SCARA3: variants seen among roughly 807,000 people sequenced by gnomAD.
SCARA3 encodes scavenger receptor class A member 3.
Under a neutral mutation model 47.0 loss-of-function variants are expected in SCARA3, and 39 were observed. The ratio of observed to expected loss-of-function variants is 0.83; its 90% CI spans 0.64 to 1.08. The LOEUF is 1.08. Ranked by LOEUF, SCARA3 falls within the 50% of genes least tolerant of loss-of-function variation. The pLI, the probability that SCARA3 is intolerant of heterozygous loss-of-function variation, is 0.00. For missense variants in SCARA3, 724 were observed against 792.3 expected, an observed-to-expected ratio of 0.91 and a Z score of 1.04; for synonymous variants, 356 against 334.1, an observed-to-expected ratio of 1.07 and a Z score of -0.71.
chr8:27,633,599 T>A (rs1801179810), upstream of SCARA3, among the ~76,000 whole-genome samples: 1 of 147,740 alleles, frequency 6.8e-6, no homozygotes, highest in South Asian at 2.2e-4. Flanking sequence ...GCTCTCCCGG[T>A]GAGCCCCCCC....
the SCARA3 span, among the ~76,000 whole-genome samples, chr8:27,689,522 G>A: frequency 6.6e-6 from 1 of 152,196 alleles, no homozygotes; most frequent in Non-Finnish European, 1.5e-5. Context: ...AGCACAGAGA[G>A]CAGATCTGGG....
chr8:27,719,512 G>A, the SCARA3 span, among the ~76,000 whole-genome samples: 1 of 148,264 alleles, frequency 6.7e-6, no homozygotes, highest in African/African-American at 2.5e-5. Flanking sequence ...ACCTACACTT[G>A]TACTCCTGAA....
intron 1 of SCARA3, among the ~76,000 whole-genome samples, chr8:27,634,425 C>A (rs35068026): frequency 1.3e-5 from 2 of 152,194 alleles, no homozygotes; most frequent in African/African-American, 4.8e-5. Context: ...TCACACACCC[C>A]CCCTTGCAGT....
At chr8:27,662,257 A>G (rs1801927085) in intron 5 of SCARA3, among the ~76,000 whole-genome samples, 2 of 152,204 alleles carry the variant, frequency 1.3e-5, no homozygotes, top group African/African-American at 4.8e-5. Context: ...AAACACCACT[A>G]TGTATTGAAT....
the SCARA3 span, among the ~76,000 whole-genome samples, chr8:27,715,491 G>A: frequency 6.8e-6 from 1 of 148,028 alleles, no homozygotes. The surrounding 1 kb of genome is among the most constrained non-coding windows in gnomAD (Gnocchi z 4.2). Flanking sequence ...CCAGCACTCC[G>A]CAGCAGCTAC....
At chr8:27,699,586 A>C in the SCARA3 span, among the ~76,000 whole-genome samples, 1 of 152,172 alleles carries the variant, frequency 6.6e-6, no homozygotes, top group African/African-American at 2.4e-5. Context: ...GAAAATCCAC[A>C]GAATTTTGAA....
chr8:27,720,873 C>T, the SCARA3 span, among the ~76,000 whole-genome samples: 74 of 152,214 alleles, frequency 4.9e-4, no homozygotes, highest in African/African-American at 1.7e-3. Flanking sequence ...TCCACTCACC[C>T]ATCCATTCAC....
the SCARA3 span, among the ~76,000 whole-genome samples, chr8:27,731,375 G>C: frequency 6.6e-6 from 1 of 151,946 alleles, no homozygotes; most frequent in Non-Finnish European, 1.5e-5. Context: ...TGGGATTATA[G>C]GATTGAGCCA....
the SCARA3 span, among the ~76,000 whole-genome samples, chr8:27,730,284 GTCT>G: frequency 6.6e-6 from 1 of 152,158 alleles, no homozygotes; most frequent in Non-Finnish European, 1.5e-5. Flanking sequence ...CTTCTTGTTG[GTCT>G]TCATTTCTCA....
At chr8:27,713,077 A>G in the SCARA3 span, among the ~76,000 whole-genome samples, 4 of 152,252 alleles carry the variant, frequency 2.6e-5, no homozygotes, top group African/African-American at 9.6e-5. Flanking sequence ...ACTAACTTCT[A>G]GTAATCATAC....
intron 5 of SCARA3, among the ~76,000 whole-genome samples, chr8:27,666,626 G>T (rs892768600): frequency 6.6e-6 from 1 of 152,178 alleles, no homozygotes; most frequent in Non-Finnish European, 1.5e-5. Flanking sequence ...TGATGTCCAC[G>T]CCAATGTGCC....
At chr8:27,707,908 C>A in the SCARA3 span, among the ~76,000 whole-genome samples, 1 of 151,824 alleles carries the variant, frequency 6.6e-6, no homozygotes, top group East Asian at 1.9e-4. Context: ...CTTCAATCTG[C>A]ATTTCTGTAC....
At chr8:27,635,829 G>A (rs892543288) in intron 1 of SCARA3, among the ~76,000 whole-genome samples, 1 of 151,778 alleles carries the variant, frequency 6.6e-6, no homozygotes, top group African/African-American at 2.4e-5. Flanking sequence ...TTTTACACTG[G>A]GCCCCACAAA....
intron 5 of SCARA3, among the ~76,000 whole-genome samples, chr8:27,670,101 G>A (rs143609242): frequency 8.5e-5 from 13 of 152,246 alleles, no homozygotes; most frequent in East Asian, 7.7e-4. Context: ...GGCAACTCCC[G>A]CAGGCCCTCA....
chr8:27,654,141 G>A (rs150336574), intron 3 of SCARA3, among the ~76,000 whole-genome samples: 156 of 152,260 alleles, frequency 1.0e-3, no homozygotes, highest in African/African-American at 3.5e-3. Context: ...TGATGAATGG[G>A]TGAAAGAGAT....
chr8:27,665,614 C>A (rs984557107), intron 5 of SCARA3, among the ~76,000 whole-genome samples: 15 of 152,198 alleles, frequency 9.9e-5, no homozygotes, highest in African/African-American at 3.6e-4. Context: ...AAGCAATCCA[C>A]CCACCTTCGG....
the SCARA3 span, among the ~76,000 whole-genome samples, chr8:27,725,810 G>A: frequency 4.6e-5 from 7 of 152,164 alleles, no homozygotes; most frequent in African/African-American, 1.4e-4. Flanking sequence ...TCCTCTGTCC[G>A]CAGATGCCTG....
chr8:27,702,458 A>C, the SCARA3 span: 2 of 152,238 alleles, frequency 1.3e-5, no homozygotes, highest in Non-Finnish European at 2.9e-5. Context: ...TTATGTCAAC[A>C]CAAACAGCCT....
chr8:27,658,516 T>A lies in SCARA3; in HGVS notation c.346T>A (p.Cys116Ser). ...TAAAGATCCGAAAGCCCTGAACAAC[T>A]GCTCTTTCTGCCATGAAGCTGGGCA... The part of the protein sequence containing the change: ...QGLDPKALNN[C>S]SFCHEAGQLG... The change falls in exon 5 of 6, where the codon TGC (cysteine) becomes AGC (serine). Residue 116 changes from cysteine to serine, a missense_variant. Physicochemically the swap from Cys to Ser is moderately radical, Grantham distance 112 (BLOSUM62 -1). Transcript: ENST00000301904. 2 of 1,610,566 alleles carry A rather than the reference T, an allele frequency of 1.2e-6. No individual in the cohort carries two copies. Among genetic ancestry groups the A allele is most frequent in the Non-Finnish European group, 1.7e-6 (2 of 1,178,506 alleles).
Sources: gnomAD v4.1 joint callset for allele counts (sites outside exome capture counted in the v4.1 genomes callset) on GRCh38, gnomAD v4.1.1 for gene constraint, Gnocchi (gnomAD v3.1) non-coding constraint, MANE v1.5 for transcripts, NCBI Gene and HGNC (gene_info 2026-07-23, HGNC 2026-07-21) for gene names.